EEF1A2: variants seen among roughly 807,000 people sequenced by gnomAD.
EEF1A2 encodes the protein elongation factor 1-alpha 2.
Under a neutral mutation model 39.3 loss-of-function variants are expected in EEF1A2, and 5 were observed. The ratio of observed to expected loss-of-function variants is 0.13; its 90% CI spans 0.07 to 0.27. The LOEUF (loss-of-function observed/expected upper bound fraction) is 0.27. Ranked by LOEUF, EEF1A2 falls within the 10% of genes least tolerant of loss-of-function variation. The pLI is 1.00. For synonymous variants in EEF1A2, 287 were observed against 293.7 expected, an observed-to-expected ratio of 0.98 and a Z score of 0.23; for missense variants, 218 against 681.4, an observed-to-expected ratio of 0.32 and a Z score of 7.57.
At chr20:63,496,184 G>A (rs531743041) in intron 2 of EEF1A2, 149 bp from the exon 3 acceptor site, 13 of 963,458 alleles carry the variant, frequency 1.3e-5, no homozygotes, top group South Asian at 6.6e-5. Context: ...CTGGGACGCC[G>A]GCCCCCTCCG....
At chr20:63,494,699 C>T in intron 4 of EEF1A2, 106 bp downstream of exon 4, 2 of 1,426,202 alleles carry the variant, frequency 1.4e-6, no homozygotes, top group Non-Finnish European at 1.9e-6. Context: ...ACCTGCATTT[C>T]CCGGGGACAG....
intron 5 of EEF1A2, among the ~76,000 whole-genome samples, chr20:63,492,875 T>C (rs1417213708): frequency 7.2e-6 from 1 of 138,718 alleles, no homozygotes; most frequent in Non-Finnish European, 1.5e-5. Context: ...GGTGGGGAGA[T>C]GGATGGATCG....
chr20:63,491,912 G>GGAT (rs2082382964), intron 5 of EEF1A2, among the ~76,000 whole-genome samples: 3 of 138,500 alleles, frequency 2.2e-5, no homozygotes, highest in Non-Finnish European at 4.7e-5. Context: ...ATGGATGGAT[G>GGAT]GGGGGATAGA....
intron 6 of EEF1A2, among the ~76,000 whole-genome samples, chr20:63,489,507 G>T (rs2082368560): frequency 6.6e-6 from 1 of 152,070 alleles, no homozygotes; most frequent in African/African-American, 2.4e-5. Flanking sequence ...AAGAGGCCAG[G>T]CACGGTGGCT....
rs866116461 is a variant in EEF1A2 at position 63,493,153 on chromosome 20, G to A, written c.756C>T (p.Asp252=). ...TDKPLRLPLQ[D]VYKIGGIGTV... ...CTTGCTCACCGCCAATCTTGTACACGTCCTGCAGCGGCAGGCGCAGGGGCT... is the reference window on the plus strand; with the variant it reads ...CTTGCTCACCGCCAATCTTGTACACATCCTGCAGCGGCAGGCGCAGGGGCT... Residue 252 remains aspartate, a synonymous_variant, in exon 5 of 8, where the codon GAC becomes GAT. Coordinates refer to ENST00000217182, the MANE Select transcript of EEF1A2 (RefSeq NM_001958.5). The A allele has an allele frequency of 1.5e-5, 23 of 1,548,410 alleles. No individual in the cohort carries two copies. Among genetic ancestry groups the A allele is most frequent in the Middle Eastern group, 1.7e-4 (1 of 5,892 alleles).
intron 5 of EEF1A2, among the ~76,000 whole-genome samples, chr20:63,492,244 AGGTGGGTG>A (rs1258297197): frequency 1.0e-5 from 1 of 96,686 alleles, no homozygotes; most frequent in Non-Finnish European, 2.1e-5. Flanking sequence ...ATGGATAGGT[AGGTGGGTG>A]GATGGATGGA....
rs990485441 is a variant in EEF1A2 at position 63,498,720 on chromosome 20, G to C, written c.-72+338C>G. 2.6e-5 allele frequency: 4 copies of C among 152,040 alleles called. No homozygotes were observed. Among genetic ancestry groups the C allele is most frequent in the African/African-American group, 9.7e-5 (4 of 41,418 alleles). The allele number at this position is 152,040 out of a possible 1,614,324, so 9.4% of individuals were successfully genotyped here. A position where few individuals can be genotyped will look rare whatever the true frequency, so the allele number is the denominator to read the frequency against. ...TGGGGTGGGAACACGGGTGGGGGTGGGGAGGCCAGGGCCCCCAGATCTCAC... is the reference window on the plus strand; with the variant it reads ...TGGGGTGGGAACACGGGTGGGGGTGCGGAGGCCAGGGCCCCCAGATCTCAC... On this transcript the variant is annotated intron_variant, in intron 1 of 7. Coordinates refer to ENST00000217182, the MANE Select transcript of EEF1A2 (RefSeq NM_001958.5). The surrounding 1 kb of genome is among the most constrained non-coding windows in gnomAD (Gnocchi z 4.1).
At position 63,497,881 on chromosome 20, in the gene EEF1A2, G is replaced by A. The variant is rs553622577; in HGVS notation, c.-71-47C>T. Reference sequence around the variant, plus strand: ...GGAGACCGGTGATGGGGAGCCCCAGGGGGAGACACCAGCAGAGACTGTCCT... The same window carrying A: ...GGAGACCGGTGATGGGGAGCCCCAGAGGGAGACACCAGCAGAGACTGTCCT... On this transcript the variant is annotated intron_variant, in intron 1 of 7. Coordinates refer to ENST00000217182, the MANE Select transcript of EEF1A2 (RefSeq NM_001958.5). This position sits in a 1 kb window ranked among gnomAD's most constrained non-coding sequence, Gnocchi z 7.3. 7.3e-6 allele frequency: 10 copies of A among 1,364,522 alleles called. No individual in the cohort carries two copies. In the African/African-American group the frequency reaches 1.3e-4, roughly 18 times the overall value. The allele number at this position is 1,364,522 out of a possible 1,614,324, so 84.5% of individuals were successfully genotyped here. A position where few individuals can be genotyped will look rare whatever the true frequency, so the allele number is the denominator to read the frequency against.
chr20:63,491,050 C>T (rs1391908985), intron 5 of EEF1A2, among the ~76,000 whole-genome samples: 1 of 152,216 alleles, frequency 6.6e-6, no homozygotes, highest in Admixed American at 6.5e-5. Flanking sequence ...GCTGTCTGAA[C>T]CTGGGGTCCC....
intron 7 of EEF1A2, 139 bp from the exon 8 acceptor site, chr20:63,488,564 A>C: frequency 1.7e-6 from 2 of 1,192,072 alleles, no homozygotes; most frequent in South Asian, 3.8e-5. Flanking sequence ...CCCTGTGAAG[A>C]CGGCCGGCCT....
intron 4 of EEF1A2, 37 bp from the exon 5 acceptor site, chr20:63,493,324 A>T: frequency 1.4e-6 from 2 of 1,469,690 alleles, no homozygotes; most frequent in Non-Finnish European, 1.8e-6. Context: ...GTTAAGAGAC[A>T]TTGGTGGCCT....
intron 6 of EEF1A2, among the ~76,000 whole-genome samples, chr20:63,489,419 G>GC: frequency 6.6e-6 from 1 of 152,150 alleles, no homozygotes; most frequent in Non-Finnish European, 1.5e-5. Flanking sequence ...TGGAACTAAG[G>GC]CGGGGGGGTG....
intron 3 of EEF1A2, among the ~76,000 whole-genome samples, 164 bp downstream of exon 3, chr20:63,495,692 G>C (rs1251653314): frequency 1.3e-5 from 2 of 152,174 alleles, no homozygotes; most frequent in East Asian, 1.9e-4. Flanking sequence ...TCATCCTTAG[G>C]GGGGCTCTGA....
At chr20:63,494,458 A>C (rs1432700543) in intron 4 of EEF1A2, among the ~76,000 whole-genome samples, 2 of 152,198 alleles carry the variant, frequency 1.3e-5, no homozygotes, top group Non-Finnish European at 2.9e-5. Flanking sequence ...GACCAGGACA[A>C]TGGCCTGGCA....
At chr20:63,495,455 G>T (rs908125816) in intron 3 of EEF1A2, among the ~76,000 whole-genome samples, 1 of 152,224 alleles carries the variant, frequency 6.6e-6, no homozygotes, top group African/African-American at 2.4e-5. Context: ...TGTCTGCAGG[G>T]TGCTGTGTCT....
rs1406318872 is a variant in EEF1A2 at position 63,488,194 on chromosome 20, C to G, written c.*104G>C. 2 of 673,856 alleles carry G rather than the reference C, an allele frequency of 3.0e-6. No individual in the cohort carries two copies. Among genetic ancestry groups the G allele is most frequent in the Non-Finnish European group, 3.4e-6 (2 of 593,488 alleles). 41.7% of individuals were successfully genotyped at this position (673,856 alleles called of 1,614,324 possible). A position where few individuals can be genotyped will look rare whatever the true frequency, so the allele number is the denominator to read the frequency against. ...TGCAGACATGCGCCTGGCGGGGGTG[C>G]GGGGCGCCGGACCGGCGCGCGGGGC... On this transcript the variant is annotated 3_prime_UTR_variant, in exon 8 of 8. Coordinates refer to ENST00000217182, the MANE Select transcript of EEF1A2 (RefSeq NM_001958.5).
intron 5 of EEF1A2, among the ~76,000 whole-genome samples, chr20:63,491,911 TGGG>T (rs1194225224): frequency 6.7e-5 from 8 of 119,896 alleles, no homozygotes; most frequent in Non-Finnish European, 1.4e-4. Context: ...GATGGATGGA[TGGG>T]GGGATAGATG....
Position 63,497,607 on chromosome 20 carries a change from C to T in EEF1A2, c.144+13G>A. 1 of 1,609,948 alleles carries T rather than the reference C, an allele frequency of 6.2e-7. No individual in the cohort carries two copies. Among genetic ancestry groups the T allele is most frequent in the Non-Finnish European group, 8.5e-7 (1 of 1,178,076 alleles). On this transcript the variant is annotated intron_variant, in intron 2 of 7. Coordinates refer to ENST00000217182, the MANE Select transcript of EEF1A2 (RefSeq NM_001958.5). This position sits in a 1 kb window ranked among gnomAD's most constrained non-coding sequence, Gnocchi z 7.3. ...CTTCTCAGGGGGCCAAGACCATAGC[C>T]TGGGGAGCTCACCTCAGCCGCCTCC...
At chr20:63,488,612 C>T (rs2082364035) in intron 7 of EEF1A2, among the ~76,000 whole-genome samples, 187 bp from the exon 8 acceptor site, 1 of 151,598 alleles carries the variant, frequency 6.6e-6, no homozygotes, top group African/African-American at 2.4e-5. Flanking sequence ...CCACGGTCTG[C>T]GGGGCGGCCA....
Sources: allele counts gnomAD v4.1 joint callset (sites outside exome capture counted in the v4.1 genomes callset), GRCh38; gene constraint gnomAD v4.1.1; non-coding constraint Gnocchi (gnomAD v3.1); transcripts MANE v1.5; gene names NCBI Gene and HGNC (gene_info 2026-07-23, HGNC 2026-07-21).